Variants in EXOC6B observed in about 807,000 individuals in gnomAD.
EXOC6B encodes the protein exocyst complex component 6B.
A neutral mutation model predicts 113.5 loss-of-function variants in EXOC6B; 54 were observed. The observed-to-expected ratio is 0.48, with a 90% CI of 0.38 to 0.60. EXOC6B has a LOEUF of 0.60. Ranked by LOEUF, EXOC6B falls within the 20% of genes least tolerant of loss-of-function variation. EXOC6B has a pLI of 0.00. For synonymous variants in EXOC6B, 357 were observed against 339.0 expected (o/e 1.05, Z -0.58); for missense variants, 797 against 977.5 (o/e 0.82, Z 2.46).
At chr2:72,286,947 A>ATATTTTGAGTTG (rs1685469512) in intron 20 of EXOC6B, among the ~76,000 whole-genome samples, 1 of 152,178 alleles carries the variant, frequency 6.6e-6, no homozygotes, top group Non-Finnish European at 1.5e-5. Context: ...TAAAAAGAAA[A>ATATTTTGAGTTG]ACATATCAAG....
chr2:72,711,031 AT>A (rs1679242805), intron 6 of EXOC6B, among the ~76,000 whole-genome samples: 1 of 152,244 alleles, frequency 6.6e-6, no homozygotes, highest in Non-Finnish European at 1.5e-5. Context: ...TACAAATGTT[AT>A]TTAGTCCCAC....
intron 20 of EXOC6B, among the ~76,000 whole-genome samples, chr2:72,205,001 CCAGA>C (rs1679747305): frequency 6.6e-6 from 1 of 152,110 alleles, no homozygotes; most frequent in African/African-American, 2.4e-5. Context: ...GGTCCCATTT[CCAGA>C]CAGTCTGCAA....
chr2:72,763,027 C>T (rs139883528), intron 1 of EXOC6B, among the ~76,000 whole-genome samples: 1 of 150,986 alleles, frequency 6.6e-6, no homozygotes, highest in East Asian at 1.9e-4. Flanking sequence ...CCACTAAAAA[C>T]AAACAAAACA....
At chr2:72,277,731 T>C (rs1465688832) in intron 20 of EXOC6B, among the ~76,000 whole-genome samples, 1 of 152,062 alleles carries the variant, frequency 6.6e-6, no homozygotes, top group African/African-American at 2.4e-5. Flanking sequence ...TGACCTCAAG[T>C]GATCCTACTG....
intron 18 of EXOC6B, among the ~76,000 whole-genome samples, chr2:72,431,605 T>C (rs1387598350): frequency 1.3e-5 from 2 of 152,080 alleles, no homozygotes; most frequent in African/African-American, 4.8e-5. Flanking sequence ...GCCTCCCAGA[T>C]AGCTCAAATT....
intron 18 of EXOC6B, among the ~76,000 whole-genome samples, chr2:72,417,309 C>T (rs954767940): frequency 3.9e-5 from 6 of 152,174 alleles, no homozygotes; most frequent in Non-Finnish European, 7.3e-5. Context: ...CTTGCCTCAG[C>T]CTTTAGAGCA....
chr2:72,248,902 T>C (rs1245091999), intron 20 of EXOC6B, among the ~76,000 whole-genome samples: 1 of 152,204 alleles, frequency 6.6e-6, no homozygotes, highest in South Asian at 2.1e-4. Flanking sequence ...GTAGTGTTAC[T>C]GGCTTCCTGG....
At chr2:72,416,671 C>A (rs1452676909) in intron 18 of EXOC6B, among the ~76,000 whole-genome samples, 1 of 152,130 alleles carries the variant, frequency 6.6e-6, no homozygotes, top group African/African-American at 2.4e-5. Flanking sequence ...GCTGCTGGTT[C>A]TGCCCCATAG....
At chr2:72,747,841 T>C (rs1306795043) in intron 1 of EXOC6B, among the ~76,000 whole-genome samples, 1 of 152,090 alleles carries the variant, frequency 6.6e-6, no homozygotes, top group African/African-American at 2.4e-5. Context: ...TAGATTCTAT[T>C]ATGTGCTCCT....
At position 72,404,958 on chromosome 2, in the gene EXOC6B, G is replaced by GA. The variant is rs901609855; in HGVS notation, c.1981-25089dup. ...CCATGGCAAAGAAGTTAAAAACCTT[G>GA]AAAAAAAATAGACGAATGGCTAACT... On this transcript the variant is annotated intron_variant, in intron 18 of 21. Coordinates refer to ENST00000272427, the MANE Select transcript of EXOC6B (RefSeq NM_015189.3). Among the ~76,000 whole-genome samples the GA allele has an allele frequency of 3.2e-4, 48 of 151,742 alleles. 1 individual carries two copies. In the East Asian group the frequency reaches 7.4e-3, roughly 23 times the overall value.
chr2:72,612,261 C>T (rs997289874), intron 6 of EXOC6B, among the ~76,000 whole-genome samples: 1 of 151,256 alleles, frequency 6.6e-6, no homozygotes, highest in Non-Finnish European at 1.5e-5. Context: ...GGCAACAGAG[C>T]GAGACTCTGT....
At chr2:72,230,931 G>A (rs1167442378) in intron 20 of EXOC6B, among the ~76,000 whole-genome samples, 1 of 152,162 alleles carries the variant, frequency 6.6e-6, no homozygotes, top group Non-Finnish European at 1.5e-5. Flanking sequence ...ATGTGTTGGA[G>A]AACAGTAGTT....
At chr2:72,287,974 C>A (rs1685548255) in intron 20 of EXOC6B, among the ~76,000 whole-genome samples, 1 of 151,996 alleles carries the variant, frequency 6.6e-6, no homozygotes, top group Non-Finnish European at 1.5e-5. Context: ...ATTCTAAAAC[C>A]TGAAAAGGCT....
intron 20 of EXOC6B, among the ~76,000 whole-genome samples, chr2:72,257,542 A>C (rs1316438272): frequency 6.6e-6 from 1 of 152,230 alleles, no homozygotes; most frequent in Non-Finnish European, 1.5e-5. Flanking sequence ...GCAATGTATT[A>C]TTCTAATGTT....
At chr2:72,470,517 G>A (rs1024800642) in intron 17 of EXOC6B, among the ~76,000 whole-genome samples, 5 of 151,940 alleles carry the variant, frequency 3.3e-5, no homozygotes, top group African/African-American at 1.2e-4. Flanking sequence ...TGCACAACGC[G>A]CAGGTTTGAT....
intron 1 of EXOC6B, among the ~76,000 whole-genome samples, chr2:72,766,244 C>T (rs1386673492): frequency 6.6e-6 from 1 of 152,154 alleles, no homozygotes; most frequent in South Asian, 2.1e-4. Context: ...CCAGCTCAGT[C>T]GTTGACTGGA....
chr2:72,235,743 C>T (rs1447794290), intron 20 of EXOC6B, among the ~76,000 whole-genome samples: 1 of 151,918 alleles, frequency 6.6e-6, no homozygotes, highest in African/African-American at 2.4e-5. Flanking sequence ...TGGTGCCACC[C>T]TTGTCTGCCC....
intron 8 of EXOC6B, among the ~76,000 whole-genome samples, chr2:72,523,949 C>T (rs746754449): frequency 2.0e-5 from 3 of 151,648 alleles, no homozygotes; most frequent in Non-Finnish European, 2.9e-5. Flanking sequence ...GATTGAGAAG[C>T]AACTAAGGAC....
intron 11 of EXOC6B, among the ~76,000 whole-genome samples, chr2:72,512,241 T>C (rs549611572): frequency 6.6e-6 from 1 of 151,938 alleles, no homozygotes; most frequent in Non-Finnish European, 1.5e-5. Flanking sequence ...TATAACTCTC[T>C]GAGAGCAAAG....
Sources: gnomAD v4.1 joint callset for allele counts (sites outside exome capture counted in the v4.1 genomes callset) on GRCh38, gnomAD v4.1.1 for gene constraint, MANE v1.5 for transcripts, NCBI Gene and HGNC (gene_info 2026-07-23, HGNC 2026-07-21) for gene names.